The following NOL10 variants were observed in gnomAD, a reference collection of about 807,000 sequenced individuals.
The protein encoded by NOL10 is nucleolar protein 10.
NOL10 carries 58 observed loss-of-function variants against 103.5 expected under a neutral mutation model. The ratio of observed to expected loss-of-function variants is 0.56; its 90% confidence interval spans 0.45 to 0.70. The LOEUF is 0.70. Ranked by LOEUF, NOL10 falls within the 30% of genes least tolerant of loss-of-function variation. NOL10 has a pLI of 0.00. For missense variants in NOL10, 763 were observed against 807.3 expected, an observed-to-expected ratio of 0.95 and a Z score of 0.67; for synonymous variants, 287 against 282.5, an observed-to-expected ratio of 1.02 and a Z score of -0.16.
chr2:10,655,155 C>A (rs1679753349), intron 11 of NOL10, among the ~76,000 whole-genome samples: 1 of 147,986 alleles, frequency 6.8e-6, no homozygotes, highest in Admixed American at 6.8e-5. Flanking sequence ...TATAGTCAGC[C>A]AAGATAGCAC....
chr2:10,653,192 C>G (rs1208661016), intron 12 of NOL10, among the ~76,000 whole-genome samples: 2 of 144,186 alleles, frequency 1.4e-5, no homozygotes, highest in Non-Finnish European at 3.0e-5. Flanking sequence ...GAGACTCCAA[C>G]TCAAAAAAAA....
intron 10 of NOL10, among the ~76,000 whole-genome samples, chr2:10,658,498 C>G (rs979193419): frequency 9.9e-5 from 15 of 152,108 alleles, no homozygotes; most frequent in African/African-American, 3.4e-4. Context: ...GAAAGAAGTA[C>G]TCCTCAGACT....
intron 12 of NOL10, among the ~76,000 whole-genome samples, chr2:10,652,487 A>G (rs565570782): frequency 7.8e-4 from 119 of 152,208 alleles, no homozygotes; most frequent in Non-Finnish European, 1.5e-3. Context: ...AGCATCCATC[A>G]TCCAGATTGA....
chr2:10,618,162 C>T (rs969347074), intron 13 of NOL10, among the ~76,000 whole-genome samples: 1 of 151,706 alleles, frequency 6.6e-6, no homozygotes, highest in Non-Finnish European at 1.5e-5. Flanking sequence ...TGGGTGGGTA[C>T]CACAGAGCCT....
chr2:10,638,330 G>GACGTAACGTAACGTAACGTA (rs3061339), intron 13 of NOL10, among the ~76,000 whole-genome samples: 42 of 92,822 alleles, frequency 4.5e-4, no homozygotes, highest in African/African-American at 2.0e-3. Flanking sequence ...GACGTGACGT[G>GACGTAACGTAACGTAACGTA]ACGTAACGTA....
At chr2:10,672,500 G>T (rs550925445) in intron 5 of NOL10, among the ~76,000 whole-genome samples, 1 of 152,214 alleles carries the variant, frequency 6.6e-6, no homozygotes, top group Admixed American at 6.5e-5. Context: ...AAAATGACAT[G>T]TTCCAAAACG....
chr2:10,621,901 G>T, intron 13 of NOL10: 1 of 347,144 alleles, frequency 2.9e-6, no homozygotes, highest in Non-Finnish European at 5.8e-6. Context: ...ACTTGACTCT[G>T]GAATAGTTTA....
chr2:10,630,360 T>A (rs1173173128), intron 13 of NOL10, among the ~76,000 whole-genome samples: 1 of 152,158 alleles, frequency 6.6e-6, no homozygotes, highest in East Asian at 1.9e-4. Flanking sequence ...TACTATGCAA[T>A]GTGGAAGGAA....
intron 5 of NOL10, among the ~76,000 whole-genome samples, chr2:10,672,154 C>T (rs888695259): frequency 2.6e-5 from 4 of 151,958 alleles, no homozygotes; most frequent in Non-Finnish European, 5.9e-5. Context: ...ATGGAGAAAC[C>T]CCATCTCTAC....
intron 2 of NOL10, among the ~76,000 whole-genome samples, chr2:10,683,715 G>A (rs911448224): frequency 2.0e-5 from 3 of 152,098 alleles, no homozygotes; most frequent in African/African-American, 7.2e-5. Flanking sequence ...TGTGTTGCTC[G>A]GCCACAACGC....
Position 10,572,073 on chromosome 2 carries a change from A to G in NOL10, c.2065T>C (p.Ter689ArgextTer8). ...SRHKRGRSFH[*>R] Reference sequence around the variant, plus strand: ...CACAGGTAGGACCACTTCCCAAATCAATGAAACGACCGTCCTCTTTTGTGT... The same window carrying G: ...CACAGGTAGGACCACTTCCCAAATCGATGAAACGACCGTCCTCTTTTGTGT... Residue 689 changes from the stop codon to arginine (R), a stop_lost, in exon 21 of 21, where the codon TGA (stop) becomes CGA (arginine). Transcript: ENST00000381685. 1 of 1,613,520 alleles carries G rather than the reference A, an allele frequency of 6.2e-7. No homozygotes were observed. Among genetic ancestry groups the G allele is most frequent in the South Asian group, 1.1e-5 (1 of 91,058 alleles).
At chr2:10,676,360 T>G (rs1191264895) in intron 3 of NOL10, among the ~76,000 whole-genome samples, 1 of 152,196 alleles carries the variant, frequency 6.6e-6, no homozygotes, top group East Asian at 1.9e-4. Flanking sequence ...ATTAAGAATG[T>G]TCACTGCAGC....
intron 9 of NOL10, 23 bp from the exon 10 acceptor site, chr2:10,659,273 T>A: frequency 5.2e-6 from 7 of 1,349,634 alleles, no homozygotes; most frequent in Non-Finnish European, 6.1e-6. Context: ...ATATTCATGC[T>A]TCATGAATAT....
intron 3 of NOL10, 27 bp downstream of exon 3, chr2:10,681,944 G>A: frequency 9.1e-7 from 1 of 1,101,324 alleles, no homozygotes; most frequent in Non-Finnish European, 1.2e-6. Context: ...CAAAATGCAT[G>A]AAAATCATAA....
chr2:10,629,459 T>C (rs1476068858), intron 13 of NOL10, among the ~76,000 whole-genome samples: 1 of 152,152 alleles, frequency 6.6e-6, no homozygotes, highest in Non-Finnish European at 1.5e-5. Flanking sequence ...ATTAACAAAG[T>C]TTCAGATTAA....
In NOL10 at chr2:10,682,524, C is replaced by T. The variant is rs57382387; in HGVS notation, c.113-455G>A. Among the ~76,000 whole-genome samples the T allele has an allele frequency of 4.9e-3, 749 of 151,694 alleles. 2 individuals are homozygous for T. Among genetic ancestry groups the T allele is most frequent in the African/African-American group, 0.017 (685 of 41,302 alleles). On this transcript the variant is annotated intron_variant, in intron 2 of 20. Transcript: ENST00000381685. ...AAGCGATCCTCACACCTCAGCCCCC[C>T]CAAATAGCTAGGACTACAGGCGCAT...
Position 10,587,271 on chromosome 2 carries a change from A to AT in NOL10, c.1844+1771dup, listed in dbSNP as rs1193150888. Among the ~76,000 whole-genome samples, 5 of 21,018 alleles carry AT rather than the reference A, an allele frequency of 2.4e-4. 1 individual carries two copies. Among genetic ancestry groups the AT allele is most frequent in the Admixed American group, 1.7e-3 (3 of 1,782 alleles). 13.8% of individuals were successfully genotyped at this position (21,018 alleles called of 152,430 possible). A position where few individuals can be genotyped will look rare whatever the true frequency, so the allele number is the denominator to read the frequency against. Reference sequence around the variant, plus strand: ...TATATATATATACACATATATATATATATATTTTTTTTTTTTTTGAGATGG... The same window carrying AT: ...TATATATATATACACATATATATATATTATATTTTTTTTTTTTTTGAGATGG... On this transcript the variant is annotated intron_variant, in intron 19 of 20. Coordinates refer to ENST00000381685, the MANE Select transcript of NOL10 (RefSeq NM_024894.4).
intron 19 of NOL10, among the ~76,000 whole-genome samples, chr2:10,581,653 C>T (rs1384123600): frequency 6.6e-6 from 1 of 152,012 alleles, no homozygotes; most frequent in Non-Finnish European, 1.5e-5. Flanking sequence ...AAAATGAGAC[C>T]CCATCTGGAC....
In NOL10 at chr2:10,654,478, T is replaced by G; in HGVS notation, c.973+3A>C. Reference sequence around the variant, plus strand: ...CACTGAACGTTCACTACAGAATGCATACCTGAGTTGGGGTAGAGACAAACA... The same window carrying G: ...CACTGAACGTTCACTACAGAATGCAGACCTGAGTTGGGGTAGAGACAAACA... On this transcript the variant is annotated splice_donor_region_variant and intron_variant, in intron 12 of 20. Transcript: ENST00000381685. The G allele has an allele frequency of 6.3e-7, 1 of 1,584,570 alleles. No homozygotes were observed. Among genetic ancestry groups the G allele is most frequent in the Non-Finnish European group, 8.6e-7 (1 of 1,163,046 alleles).
Sources: gnomAD v4.1 joint callset for allele counts (sites outside exome capture counted in the v4.1 genomes callset) on GRCh38, gnomAD v4.1.1 for gene constraint, MANE v1.5 for transcripts, NCBI Gene and HGNC (gene_info 2026-07-23, HGNC 2026-07-21) for gene names.